Variants in PARD3 observed in about 807,000 individuals in gnomAD.
The protein encoded by PARD3 is partitioning defective 3 homolog.
PARD3 carries 75 observed loss-of-function variants against 155.4 expected under a neutral mutation model. The observed-to-expected ratio is 0.48, with a 90% confidence interval of 0.40 to 0.58. The LOEUF is 0.58. Ranked by LOEUF, PARD3 falls within the 20% of genes least tolerant of loss-of-function variation. The pLI is 0.00. For missense variants in PARD3, 1,642 were observed against 1,721.7 expected (o/e 0.95, Z 0.82); for synonymous variants, 576 against 610.5 (o/e 0.94, Z 0.83).
At chr10:34,595,687 T>C (rs540291725) in intron 2 of PARD3, among the ~76,000 whole-genome samples, 47 of 152,296 alleles carry the variant, frequency 3.1e-4, no homozygotes, top group African/African-American at 9.1e-4. Context: ...AGCTTTTACA[T>C]TGAAACAGAC....
At chr10:34,746,925 C>T (rs1425976772) in intron 1 of PARD3, among the ~76,000 whole-genome samples, 2 of 152,316 alleles carry the variant, frequency 1.3e-5, no homozygotes, top group African/African-American at 4.8e-5. Flanking sequence ...CTGCAGTGGA[C>T]ACCCAGGCTG....
At chr10:34,503,031 T>C (rs1415087990) in intron 3 of PARD3, among the ~76,000 whole-genome samples, 1 of 151,970 alleles carries the variant, frequency 6.6e-6, no homozygotes, top group Non-Finnish European at 1.5e-5. Flanking sequence ...CTGCCTCCCA[T>C]TCCCAACTCC....
chr10:34,225,424 C>T (rs1952541199), intron 22 of PARD3, among the ~76,000 whole-genome samples: 1 of 151,840 alleles, frequency 6.6e-6, no homozygotes, highest in African/African-American at 2.4e-5. Context: ...CGGCTCACTG[C>T]AACCTCCACC....
chr10:34,486,146 G>A (rs1401867851), intron 3 of PARD3, among the ~76,000 whole-genome samples: 2 of 151,952 alleles, frequency 1.3e-5, no homozygotes, highest in Non-Finnish European at 2.9e-5. Flanking sequence ...TCAAAATCCT[G>A]GGCTCAAGTG....
intron 12 of PARD3, among the ~76,000 whole-genome samples, chr10:34,366,566 C>G (rs927870637): frequency 2.6e-5 from 4 of 152,088 alleles, no homozygotes; most frequent in Admixed American, 2.0e-4. Flanking sequence ...CATGCCATGA[C>G]AGCAGACCAT....
At chr10:34,559,075 G>A (rs2085257215) in intron 2 of PARD3, among the ~76,000 whole-genome samples, 1 of 151,052 alleles carries the variant, frequency 6.6e-6, no homozygotes, top group Admixed American at 6.6e-5. Flanking sequence ...AAGGCCTTTT[G>A]CACTTTCTGG....
At chr10:34,681,733 TATATATATA>T (rs2093828404) in intron 2 of PARD3, among the ~76,000 whole-genome samples, 3 of 14,574 alleles carry the variant, frequency 2.1e-4, no homozygotes, top group African/African-American at 3.3e-4. Flanking sequence ...ATGTATTTTA[TATATATATA>T]TATATATATA....
chr10:34,431,074 T>C (rs2075873911), intron 5 of PARD3, among the ~76,000 whole-genome samples: 1 of 152,240 alleles, frequency 6.6e-6, no homozygotes, highest in Non-Finnish European at 1.5e-5. Context: ...GTGACCATTT[T>C]AGCCCAGGTT....
intron 2 of PARD3, among the ~76,000 whole-genome samples, chr10:34,532,207 A>C (rs989610552): frequency 1.3e-5 from 2 of 152,128 alleles, no homozygotes; most frequent in African/African-American, 4.8e-5. Flanking sequence ...CAGGGTATCT[A>C]TATATATATT....
At chr10:34,535,333 T>C (rs1000372155) in intron 2 of PARD3, among the ~76,000 whole-genome samples, 2 of 151,956 alleles carry the variant, frequency 1.3e-5, no homozygotes, top group Admixed American at 1.3e-4. Context: ...TTGGTGTGCC[T>C]GAAAATCCCC....
chr10:34,534,414 G>A (rs1283234151), intron 2 of PARD3, among the ~76,000 whole-genome samples: 7 of 152,110 alleles, frequency 4.6e-5, no homozygotes, highest in Admixed American at 2.6e-4. Context: ...AGAAATTTGA[G>A]GGGGCAGCCC....
intron 22 of PARD3, among the ~76,000 whole-genome samples, chr10:34,201,786 T>C (rs1017422457): frequency 3.3e-5 from 5 of 152,172 alleles, no homozygotes; most frequent in Non-Finnish European, 7.3e-5. Context: ...GCTTCCATTA[T>C]CGTAAAAACT....
intron 19 of PARD3, among the ~76,000 whole-genome samples, chr10:34,326,475 G>A (rs903272001): frequency 6.6e-6 from 1 of 152,138 alleles, no homozygotes; most frequent in Non-Finnish European, 1.5e-5. Flanking sequence ...AGTTTACAAA[G>A]TACTCTGACT....
intron 3 of PARD3, among the ~76,000 whole-genome samples, chr10:34,497,315 T>G (rs187921269): frequency 6.6e-6 from 1 of 152,196 alleles, no homozygotes; most frequent in Non-Finnish European, 1.5e-5. Context: ...ACTATTTATA[T>G]AGCGTTTACA....
chr10:34,762,653 C>G (rs1468810661), intron 1 of PARD3, among the ~76,000 whole-genome samples: 1 of 152,036 alleles, frequency 6.6e-6, no homozygotes, highest in Admixed American at 6.6e-5. Flanking sequence ...ATGTTAAATA[C>G]TTGACAAAAA....
At chr10:34,372,410 G>A in intron 12 of PARD3, 88 bp downstream of exon 12, 3 of 999,602 alleles carry the variant, frequency 3.0e-6, no homozygotes, top group East Asian at 2.4e-5. Context: ...GAAAAGGCAG[G>A]ACAAGTAACT....
chr10:34,555,526 G>C (rs2084914327), intron 2 of PARD3, among the ~76,000 whole-genome samples: 1 of 152,082 alleles, frequency 6.6e-6, no homozygotes, highest in Non-Finnish European at 1.5e-5. Context: ...AAGAAGTACA[G>C]GATCACAGAA....
intron 5 of PARD3, among the ~76,000 whole-genome samples, chr10:34,414,594 T>A (rs1357989002): frequency 1.3e-5 from 2 of 151,408 alleles, no homozygotes; most frequent in East Asian, 3.9e-4. Context: ...GATGGGCCAA[T>A]CACTTGAGCC....
At chr10:34,636,048 AAAG>A (rs1382848215) in intron 2 of PARD3, among the ~76,000 whole-genome samples, 4 of 152,078 alleles carry the variant, frequency 2.6e-5, no homozygotes, top group African/African-American at 9.7e-5. Flanking sequence ...AGAAAGAAAG[AAAG>A]AAGAAAGGAA....
Sources: gnomAD v4.1 joint callset for allele counts (sites outside exome capture counted in the v4.1 genomes callset) on GRCh38, gnomAD v4.1.1 for gene constraint, MANE v1.5 for transcripts, NCBI Gene and HGNC (gene_info 2026-07-23, HGNC 2026-07-21) for gene names.